The following SETBP1 variants were observed in gnomAD, a reference collection of about 807,000 sequenced individuals.
SETBP1 encodes SET binding protein 1, also known as SET-binding protein.
A neutral mutation model predicts 101.0 loss-of-function variants in SETBP1; 9 were observed. The observed-to-expected ratio is 0.09, with a 90% CI of 0.05 to 0.16. The LOEUF (loss-of-function observed/expected upper bound fraction) is 0.16, where lower values mean the gene tolerates loss of function less well. Ranked by LOEUF, SETBP1 falls within the 10% of genes least tolerant of loss-of-function variation. The pLI is 1.00. For missense variants in SETBP1, 1,858 were observed against 2,033.8 expected (o/e 0.91, Z 1.66); for synonymous variants, 818 against 788.5 (o/e 1.04, Z -0.63).
At chr18:45,019,840 A>G (rs2073020631) in intron 4 of SETBP1, among the ~76,000 whole-genome samples, 1 of 152,038 alleles carries the variant, frequency 6.6e-6, no homozygotes, top group African/African-American at 2.4e-5. Context: ...AACACCTCTC[A>G]TTCTCTCTGC....
intron 3 of SETBP1, among the ~76,000 whole-genome samples, chr18:44,893,909 G>A (rs892836208): frequency 2.0e-5 from 3 of 152,050 alleles, no homozygotes; most frequent in African/African-American, 7.2e-5. Context: ...GAGAGTTGCT[G>A]CCTATCTATT....
chr18:44,691,869 T>A (rs779338819), intron 1 of SETBP1, among the ~76,000 whole-genome samples: 6 of 152,152 alleles, frequency 3.9e-5, no homozygotes, highest in Non-Finnish European at 8.8e-5. Flanking sequence ...TGGTCCCAAT[T>A]CTACATATAA....
At chr18:45,020,758 G>A (rs1411638702) in intron 4 of SETBP1, among the ~76,000 whole-genome samples, 1 of 152,130 alleles carries the variant, frequency 6.6e-6, no homozygotes, top group Non-Finnish European at 1.5e-5. Context: ...ACCATGCACT[G>A]AACACCTGAA....
chr18:45,057,125 C>A (rs961313023), intron 5 of SETBP1, among the ~76,000 whole-genome samples: 3 of 152,058 alleles, frequency 2.0e-5, no homozygotes, highest in Non-Finnish European at 4.4e-5. Flanking sequence ...AGTTCTGTAG[C>A]ATTTGTGTTG....
At chr18:44,767,855 C>T (rs1599098571) in intron 2 of SETBP1, among the ~76,000 whole-genome samples, 1 of 152,172 alleles carries the variant, frequency 6.6e-6, no homozygotes, top group East Asian at 1.9e-4. Flanking sequence ...TACTCGTTTT[C>T]TCAGCACCCA....
Position 44,976,835 on chromosome 18 carries a change from C to T in SETBP1, c.4000+23495C>T, listed in dbSNP as rs1599400624. ...GTGACTTCATAGAAGATGCTGAGAACATAGCCTGGCATATAGGAAGTGCTC... is the reference window on the plus strand; with the variant it reads ...GTGACTTCATAGAAGATGCTGAGAATATAGCCTGGCATATAGGAAGTGCTC... On this transcript the variant is annotated intron_variant, in intron 4 of 5. Transcript: ENST00000649279. Among the ~76,000 whole-genome samples, 8 of 152,280 alleles carry T rather than the reference C, an allele frequency of 5.3e-5. 2 individuals carry two copies. The highest frequency in any genetic ancestry group is 5.2e-4 in the Admixed American group (8 of 15,286).
chr18:45,032,655 T>G, intron 4 of SETBP1, among the ~76,000 whole-genome samples: 1 of 152,154 alleles, frequency 6.6e-6, no homozygotes. Flanking sequence ...GGGGATAAAA[T>G]CCATCCTGTG....
intron 4 of SETBP1, among the ~76,000 whole-genome samples, chr18:44,957,527 T>C (rs2071515058): frequency 6.6e-6 from 1 of 152,156 alleles, no homozygotes; most frequent in Non-Finnish European, 1.5e-5. Context: ...TGAGAGCACA[T>C]TTCAGATATC....
intron 2 of SETBP1, among the ~76,000 whole-genome samples, chr18:44,725,263 G>A (rs1422858446): frequency 1.3e-5 from 2 of 152,166 alleles, no homozygotes; most frequent in African/African-American, 4.8e-5. Flanking sequence ...TCTGCTCACA[G>A]TTTGGGGAAT....
chr18:44,948,495 T>C (rs1457029398), intron 3 of SETBP1, among the ~76,000 whole-genome samples: 2 of 77,706 alleles, frequency 2.6e-5, no homozygotes, highest in East Asian at 8.3e-4. Flanking sequence ...TATACAAAGA[T>C]AGATGATAGA....
chr18:44,814,498 G>A (rs1329022157), intron 2 of SETBP1, among the ~76,000 whole-genome samples: 1 of 152,184 alleles, frequency 6.6e-6, no homozygotes, highest in African/African-American at 2.4e-5. Flanking sequence ...CAGACATACT[G>A]TCTGTTAGTC....
intron 3 of SETBP1, among the ~76,000 whole-genome samples, chr18:44,888,826 A>G (rs2069706347): frequency 6.6e-6 from 1 of 152,172 alleles, no homozygotes; most frequent in Admixed American, 6.5e-5. Flanking sequence ...TTGGGAGTCA[A>G]GTCAGCTGAC....
chr18:44,914,349 T>G (rs1014917658), intron 3 of SETBP1, among the ~76,000 whole-genome samples: 1 of 152,204 alleles, frequency 6.6e-6, no homozygotes, highest in Non-Finnish European at 1.5e-5. Flanking sequence ...ACTCTACTGT[T>G]AGGCAACACA....
chr18:44,692,382 T>G (rs1427615478), intron 1 of SETBP1, among the ~76,000 whole-genome samples: 1 of 152,224 alleles, frequency 6.6e-6, no homozygotes. Context: ...ACACAATTAC[T>G]AAGTGGAAAA....
chr18:44,863,201 C>T (rs1436247182), intron 2 of SETBP1, among the ~76,000 whole-genome samples: 1 of 152,204 alleles, frequency 6.6e-6, no homozygotes, highest in Non-Finnish European at 1.5e-5. Context: ...TCCTTAGACC[C>T]CTTTCCTTTT....
rs745442615 is a variant in SETBP1, at chr18:44,951,608, G to A, written c.2268G>A (p.Pro756=). The stretch of plus-strand genomic sequence containing the variant: ...ACCCCAGGCCTGTTTCTAGCCAGCC[G>A]GATGTTCCAGCCGTGCCTTCCAACT... The part of the protein sequence containing the change: ...IKHPRPVSSQ[P]DVPAVPSNFQ... Residue 756 remains proline (P), a synonymous_variant, in exon 4 of 6, where the codon CCG becomes CCA. Coordinates refer to ENST00000649279, the MANE Select transcript of SETBP1 (RefSeq NM_015559.3). The surrounding 1 kb of genome is among the most constrained non-coding windows in gnomAD (Gnocchi z 7.8). 1.5e-5 allele frequency: 24 copies of A among 1,614,020 alleles called. No homozygotes were observed. Among genetic ancestry groups the A allele is most frequent in the East Asian group, 8.9e-5 (4 of 44,880 alleles).
At position 45,063,214 on chromosome 18, in the gene SETBP1, C is replaced by G; in HGVS notation, c.4307C>G (p.Ala1436Gly). The G allele has an allele frequency of 6.2e-7, 1 of 1,614,006 alleles. No homozygotes were observed. Among genetic ancestry groups the G allele is most frequent in the Non-Finnish European group, 8.5e-7 (1 of 1,179,972 alleles). Residue 1436 changes from alanine (A) to glycine (G), a missense_variant, in exon 6 of 6, where the codon GCC becomes GGC. Transcript: ENST00000649279. ...GACCACGTGAACAAGATCCTGAAGGCCAAGCGGCTGCAGAGACAATCAAAA... is the reference window on the plus strand; with the variant it reads ...GACCACGTGAACAAGATCCTGAAGGGCAAGCGGCTGCAGAGACAATCAAAA... ...NLDHVNKILK[A>G]KRLQRQSKTG...
At chr18:44,926,745 AAAACAAAC>A (rs144507435) in intron 3 of SETBP1, among the ~76,000 whole-genome samples, 2 of 150,694 alleles carry the variant, frequency 1.3e-5, no homozygotes, top group African/African-American at 2.4e-5. Context: ...AACTGATTTA[AAAACAAAC>A]AAACAAACAA....
At chr18:44,853,041 G>A (rs1345520534) in intron 2 of SETBP1, among the ~76,000 whole-genome samples, 8 of 152,166 alleles carry the variant, frequency 5.3e-5, no homozygotes, top group Admixed American at 5.2e-4. Flanking sequence ...TTGACCTTGG[G>A]GCATTTAATG....
Sources: gnomAD v4.1 joint callset for allele counts (sites outside exome capture counted in the v4.1 genomes callset) on GRCh38, gnomAD v4.1.1 for gene constraint, Gnocchi (gnomAD v3.1) non-coding constraint, MANE v1.5 for transcripts, NCBI Gene and HGNC (gene_info 2026-07-23, HGNC 2026-07-21) for gene names.